The following NDUFAF6 variants were observed in gnomAD, a reference collection of about 807,000 sequenced individuals.
The protein encoded by NDUFAF6 is NADH:ubiquinone oxidoreductase complex assembly factor 6.
NDUFAF6 carries 45 observed loss-of-function variants against 40.8 expected under a neutral mutation model. The ratio of observed to expected loss-of-function variants is 1.10; its 90% CI spans 0.87 to 1.42. The LOEUF is 1.42. Ranked by LOEUF, NDUFAF6 falls within the 40% of genes most tolerant of loss-of-function variation. NDUFAF6 has a pLI of 0.00. For missense variants in NDUFAF6, 435 were observed against 418.5 expected (o/e 1.04, Z -0.34); for synonymous variants, 185 against 155.9 (o/e 1.19, Z -1.39).
intron 4 of NDUFAF6, among the ~76,000 whole-genome samples, chr8:95,113,140 G>A (rs988826727): frequency 1.3e-5 from 2 of 152,218 alleles, no homozygotes; most frequent in African/African-American, 4.8e-5. Flanking sequence ...TTGTAAGCAA[G>A]TGGCAGAGGA....
At position 95,058,235 on chromosome 8, in the gene NDUFAF6, T is replaced by C. The variant is rs1206024736; in HGVS notation, c.*298T>C. On this transcript the variant is annotated 3_prime_UTR_variant, in exon 9 of 9. Coordinates refer to ENST00000396124, the MANE Select transcript of NDUFAF6 (RefSeq NM_152416.4). The stretch of plus-strand genomic sequence containing the variant: ...GCTGTGCATAGGCCATAAGCCACAC[T>C]TGAGCCAGTGGGCAGGGAGAAGGAA... 7.5e-7 allele frequency: 1 copy of C among 1,331,264 alleles called. No individual in the cohort carries two copies. The highest frequency in any genetic ancestry group is 9.6e-7 in the Non-Finnish European group (1 of 1,047,066). 82.5% of individuals were successfully genotyped at this position (1,331,264 alleles called of 1,614,324 possible). A position where few individuals can be genotyped will look rare whatever the true frequency, so the allele number is the denominator to read the frequency against.
chr8:95,047,596 G>A (rs1435396317), intron 6 of NDUFAF6, among the ~76,000 whole-genome samples: 3 of 141,954 alleles, frequency 2.1e-5, no homozygotes, highest in Admixed American at 7.5e-5. Flanking sequence ...TGCAACCTCC[G>A]CCTCCTGGGT....
downstream of NDUFAF6, among the ~76,000 whole-genome samples, chr8:95,104,984 C>A: frequency 6.8e-6 from 1 of 147,432 alleles, no homozygotes; most frequent in East Asian, 2.0e-4. Context: ...AGGGTAAGAG[C>A]AAGTCAAATT....
upstream of NDUFAF6, among the ~76,000 whole-genome samples, chr8:95,099,151 A>G (rs1474675356): frequency 6.6e-6 from 1 of 151,934 alleles, no homozygotes; most frequent in African/African-American, 2.4e-5. Context: ...GAGGTGGGAA[A>G]ATTGCTTGAT....
chr8:94,936,861 C>T lies in NDUFAF6; in HGVS notation c.-935-8622C>T, dbSNP rs534084010. On this transcript the variant is annotated intron_variant, in intron 1 of 14. Transcript: ENST00000396113. ...AGTGCAGAGACAGGCTGCATCTAGACATTCCTCTTCTACTCTCTCAGGCAC... is the reference window on the plus strand; with the variant it reads ...AGTGCAGAGACAGGCTGCATCTAGATATTCCTCTTCTACTCTCTCAGGCAC... Among the ~76,000 whole-genome samples the T allele has an allele frequency of 4.6e-5, 7 of 152,248 alleles. No homozygotes were observed. The South Asian group carries it at 8.3e-4, about 18-fold the overall frequency.
At chr8:95,113,680 T>C (rs1472465814) in intron 4 of NDUFAF6, among the ~76,000 whole-genome samples, 1 of 152,158 alleles carries the variant, frequency 6.6e-6, no homozygotes, top group Non-Finnish European at 1.5e-5. Flanking sequence ...AAAGACTGCA[T>C]TGGACAAGCA....
At chr8:95,107,958 G>T (rs1314728716), downstream of NDUFAF6, among the ~76,000 whole-genome samples, 1 of 152,202 alleles carries the variant, frequency 6.6e-6, no homozygotes, top group Non-Finnish European at 1.5e-5. Flanking sequence ...GTTAGGCTGT[G>T]TTGGCAAGTC....
chr8:95,061,220 A>T (rs1031786314), downstream of NDUFAF6, among the ~76,000 whole-genome samples: 1 of 152,250 alleles, frequency 6.6e-6, no homozygotes, highest in African/African-American at 2.4e-5. Context: ...AAGTGACCAC[A>T]TCCCCTGATC....
chr8:95,019,023 T>G (rs1827582548), intron 2 of NDUFAF6, among the ~76,000 whole-genome samples: 1 of 152,244 alleles, frequency 6.6e-6, no homozygotes, highest in Non-Finnish European at 1.5e-5. Context: ...ATTTACTTAT[T>G]TATTTTGAGA....
rs1419737258 is a variant in NDUFAF6, at chr8:95,025,067, T to G, written c.59T>G (p.Leu20Arg). 2 of 1,435,698 alleles carry G rather than the reference T, an allele frequency of 1.4e-6. No individual in the cohort carries two copies. Among genetic ancestry groups the G allele is most frequent in the Non-Finnish European group, 9.0e-7 (1 of 1,105,738 alleles). The allele number at this position is 1,435,698 out of a possible 1,614,324, so 88.9% of individuals were successfully genotyped here. ...WGPLRLGIPGLCCRRPPLGLY... is the reference protein window; with the variant it reads ...WGPLRLGIPGRCCRRPPLGLY... ...CCGTTGCGGCTTGGCATCCCCGGCCTGTGCTGCCGCCGGCCGCCTCTGGGT... is the reference window on the plus strand; with the variant it reads ...CCGTTGCGGCTTGGCATCCCCGGCCGGTGCTGCCGCCGGCCGCCTCTGGGT... The change falls in exon 1 of 9, where the codon CTG (leucine) becomes CGG (arginine). Residue 20 changes from leucine to arginine, a missense_variant. Coordinates refer to ENST00000396124, the MANE Select transcript of NDUFAF6 (RefSeq NM_152416.4).
chr8:94,925,868 T>A lies in NDUFAF6; in HGVS notation c.-935-19615T>A, dbSNP rs1017402213. On this transcript the variant is annotated intron_variant, in intron 1 of 14. Transcript: ENST00000396113. ...ATATATACAAGCTTTTAAAAACATATATAAAATGTGTATTAAATACATCTT... is the reference window on the plus strand; with the variant it reads ...ATATATACAAGCTTTTAAAAACATAAATAAAATGTGTATTAAATACATCTT... 13 of 148,830 alleles carry A rather than the reference T, an allele frequency of 8.7e-5. 1 individual carries two copies. In the Admixed American group the frequency reaches 8.9e-4, roughly 10 times the overall value. The allele number at this position is 148,830 out of a possible 1,614,324, so 9.2% of individuals were successfully genotyped here. A position where few individuals can be genotyped will look rare whatever the true frequency, so the allele number is the denominator to read the frequency against.
intron 1 of NDUFAF6, among the ~76,000 whole-genome samples, chr8:94,921,288 G>A (rs1819484678): frequency 6.6e-6 from 1 of 152,206 alleles, no homozygotes; most frequent in African/African-American, 2.4e-5. Flanking sequence ...CTTGACTGAA[G>A]TTAAGTGGGG....
At chr8:95,019,043 G>A (rs1057169037) in intron 2 of NDUFAF6, among the ~76,000 whole-genome samples, 2 of 152,084 alleles carry the variant, frequency 1.3e-5, no homozygotes, top group Admixed American at 6.6e-5. Context: ...ACAGAGTCTC[G>A]CTCTAGACCC....
chr8:95,071,194 T>G (rs1832838484), intron 9 of NDUFAF6, among the ~76,000 whole-genome samples: 2 of 149,978 alleles, frequency 1.3e-5, no homozygotes, highest in Non-Finnish European at 3.0e-5. Context: ...ATCAAGACCA[T>G]CCTGGCTAAC....
chr8:95,091,065 T>C (rs1055793419), intron 2 of NDUFAF6, among the ~76,000 whole-genome samples: 21 of 129,754 alleles, frequency 1.6e-4, no homozygotes, highest in African/African-American at 6.4e-4. Flanking sequence ...TATATATATA[T>C]CCTATATATC....
chr8:95,096,177 T>C (rs966034762), upstream of NDUFAF6, among the ~76,000 whole-genome samples: 2 of 152,060 alleles, frequency 1.3e-5, no homozygotes, highest in African/African-American at 4.8e-5. Context: ...AGGGTTCCCT[T>C]TATTTAGAAG....
intron 2 of NDUFAF6, among the ~76,000 whole-genome samples, chr8:95,017,603 G>T (rs1406222057): frequency 6.6e-6 from 1 of 152,154 alleles, no homozygotes; most frequent in Non-Finnish European, 1.5e-5. Context: ...GCCAGTAGCT[G>T]GTTGTCTACT....
chr8:95,018,459 A>C (rs2131691504), intron 2 of NDUFAF6, among the ~76,000 whole-genome samples: 1 of 152,324 alleles, frequency 6.6e-6, no homozygotes, highest in African/African-American at 2.4e-5. Flanking sequence ...TTCATGTCAG[A>C]AAAATGTTTG....
At chr8:95,114,667 C>T (rs1810089429) in intron 4 of NDUFAF6, among the ~76,000 whole-genome samples, 1 of 152,152 alleles carries the variant, frequency 6.6e-6, no homozygotes, top group South Asian at 2.1e-4. Flanking sequence ...GTTCTATAAT[C>T]TCTTTCATTC....
Sources: gnomAD v4.1 joint callset for allele counts (sites outside exome capture counted in the v4.1 genomes callset) on GRCh38, gnomAD v4.1.1 for gene constraint, MANE v1.5 for transcripts, NCBI Gene and HGNC (gene_info 2026-07-23, HGNC 2026-07-21) for gene names.